ANKS1A: variants seen among roughly 807,000 people sequenced by gnomAD.
ANKS1A encodes the protein ankyrin repeat and SAM domain-containing protein 1A.
A neutral mutation model predicts 120.3 loss-of-function variants in ANKS1A; 55 were observed. The ratio of observed to expected loss-of-function variants is 0.46; its 90% CI spans 0.37 to 0.57. The LOEUF (loss-of-function observed/expected upper bound fraction) is 0.57, where lower values mean the gene tolerates loss of function less well. Among genes scored for constraint, ANKS1A ranks in the 20% least tolerant of loss-of-function variants. The pLI, the probability that ANKS1A is intolerant of heterozygous loss-of-function variation, is 0.00. For missense variants in ANKS1A, 1,123 were observed against 1,480.3 expected (o/e 0.76, Z 3.96); for synonymous variants, 590 against 604.7 (o/e 0.98, Z 0.36).
At chr6:34,979,933 G>A (rs1216897764) in intron 3 of ANKS1A, among the ~76,000 whole-genome samples, 2 of 152,208 alleles carry the variant, frequency 1.3e-5, no homozygotes, top group Non-Finnish European at 2.9e-5. Flanking sequence ...TCAGGAGAAA[G>A]TGATAATCAA....
chr6:34,931,059 A>G (rs1267037818), intron 1 of ANKS1A, among the ~76,000 whole-genome samples: 1 of 149,520 alleles, frequency 6.7e-6, no homozygotes, highest in South Asian at 2.1e-4. Context: ...TTGTGTTTTT[A>G]GTAGAGACAG....
intron 1 of ANKS1A, among the ~76,000 whole-genome samples, chr6:34,947,731 C>T (rs1377414499): frequency 3.3e-5 from 5 of 152,186 alleles, no homozygotes; most frequent in Admixed American, 1.3e-4. Flanking sequence ...GGTCAAGTCT[C>T]GTACTCCTCA....
intron 3 of ANKS1A, 72 bp downstream of exon 3, chr6:34,970,238 GC>G: frequency 6.7e-7 from 1 of 1,489,742 alleles, no homozygotes; most frequent in Non-Finnish European, 9.0e-7. Context: ...CACCATCTTA[GC>G]CCCATAGTTC....
chr6:34,889,692 C>T lies in ANKS1A; in HGVS notation c.197+93C>T. 2 of 1,180,776 alleles carry T rather than the reference C, an allele frequency of 1.7e-6. No homozygotes were observed. Among genetic ancestry groups the T allele is most frequent in the Admixed American group, 4.4e-5 (1 of 22,822 alleles). 73.1% of individuals were successfully genotyped at this position (1,180,776 alleles called of 1,614,324 possible). ...CAGAGAGATCGGGGGTCCTGAGACT[C>T]GGGCGGGGTGGGCTTGTGGCGTGCC... is the stretch of plus-strand genomic sequence containing the variant. On this transcript the variant is annotated intron_variant, in intron 1 of 23. Transcript: ENST00000360359. This position sits in a 1 kb window ranked among gnomAD's most constrained non-coding sequence, Gnocchi z 5.5.
At position 35,082,846 on chromosome 6, in the gene ANKS1A, C is replaced by T. The variant is rs1208096210; in HGVS notation, c.2835+30C>T. 2.5e-6 allele frequency: 4 copies of T among 1,597,754 alleles called. No homozygotes were observed. The highest frequency in any genetic ancestry group is 2.3e-5 in the South Asian group (2 of 87,734). On this transcript the variant is annotated intron_variant, in intron 18 of 23. Transcript: ENST00000360359. The surrounding 1 kb of genome is among the most constrained non-coding windows in gnomAD (Gnocchi z 4.1). Reference sequence around the variant, plus strand: ...GTTGCTCCCACCCTCCCAGCAGGGCCGGCCTCCCTGCTCCTTCTCGGCCAG... The same window carrying T: ...GTTGCTCCCACCCTCCCAGCAGGGCTGGCCTCCCTGCTCCTTCTCGGCCAG...
intron 11 of ANKS1A, among the ~76,000 whole-genome samples, chr6:35,020,775 G>A (rs866170933): frequency 2.4e-4 from 36 of 152,198 alleles, no homozygotes; most frequent in African/African-American, 7.0e-4. Flanking sequence ...GCATCGAGAG[G>A]AGTTTCATTT....
chr6:34,904,696 C>T (rs1474600911), intron 1 of ANKS1A, among the ~76,000 whole-genome samples: 2 of 152,234 alleles, frequency 1.3e-5, no homozygotes, highest in Non-Finnish European at 2.9e-5. Flanking sequence ...TTCGCCACTG[C>T]ACTCCACCCT....
At chr6:34,896,295 C>T (rs777285938) in intron 1 of ANKS1A, among the ~76,000 whole-genome samples, 5 of 152,050 alleles carry the variant, frequency 3.3e-5, no homozygotes, top group African/African-American at 4.8e-5. Context: ...GTCTCGAACT[C>T]CTGACTTCAA....
At chr6:34,979,757 T>C (rs1228122231) in intron 3 of ANKS1A, among the ~76,000 whole-genome samples, 1 of 152,176 alleles carries the variant, frequency 6.6e-6, no homozygotes, top group Non-Finnish European at 1.5e-5. Context: ...TTTTCTGGAT[T>C]GGAATTTTAA....
intron 3 of ANKS1A, among the ~76,000 whole-genome samples, chr6:34,971,193 T>C (rs1771166486): frequency 6.6e-6 from 1 of 152,162 alleles, no homozygotes; most frequent in African/African-American, 2.4e-5. Flanking sequence ...TCAGAGGTGA[T>C]TCAGTGGAAT....
chr6:34,978,445 A>G (rs185695180), intron 3 of ANKS1A, among the ~76,000 whole-genome samples: 1 of 152,212 alleles, frequency 6.6e-6, no homozygotes, highest in African/African-American at 2.4e-5. Context: ...CCAGATGATC[A>G]GGAGTCTGTG....
At chr6:34,981,104 C>T (rs528312141) in intron 3 of ANKS1A, among the ~76,000 whole-genome samples, 5 of 152,214 alleles carry the variant, frequency 3.3e-5, no homozygotes, top group South Asian at 4.2e-4. Context: ...TGACTGAGCC[C>T]GAGTGCCCCC....
chr6:34,974,131 T>C (rs1190914256), intron 3 of ANKS1A, among the ~76,000 whole-genome samples: 1 of 2,198 alleles, frequency 4.5e-4, no homozygotes, highest in Non-Finnish European at 7.0e-4. Context: ...TTCCCCTTCC[T>C]CTTCCCTTCC....
chr6:34,914,211 T>A (rs9368839), intron 1 of ANKS1A, among the ~76,000 whole-genome samples: 1 of 131,706 alleles, frequency 7.6e-6, no homozygotes, highest in Non-Finnish European at 1.7e-5. Context: ...GTGAGCCACC[T>A]TACCCAGCCA....
At chr6:34,931,706 T>C (rs928372737) in intron 1 of ANKS1A, among the ~76,000 whole-genome samples, 27 of 152,080 alleles carry the variant, frequency 1.8e-4, no homozygotes, top group African/African-American at 6.5e-4. Flanking sequence ...GGAAGCCCAA[T>C]TTGTGTAGCA....
chr6:34,902,010 T>C (rs1038428344), intron 1 of ANKS1A, among the ~76,000 whole-genome samples: 3 of 152,248 alleles, frequency 2.0e-5, no homozygotes, highest in African/African-American at 7.2e-5. Flanking sequence ...TACCTACAAA[T>C]GAAAATACTT....
At position 35,060,821 on chromosome 6, in the gene ANKS1A, G is replaced by T. The variant is rs556288334; in HGVS notation, c.2184+568G>T. Among the ~76,000 whole-genome samples the T allele has an allele frequency of 2.0e-5, 3 of 152,190 alleles. No individual in the cohort carries two copies. The highest frequency in any genetic ancestry group is 1.9e-4 in the East Asian group (1 of 5,198). On this transcript the variant is annotated intron_variant, in intron 13 of 23. Transcript: ENST00000360359. This position sits in a 1 kb window ranked among gnomAD's most constrained non-coding sequence, Gnocchi z 4.5. ...ACACAAAGGGCCAAAAATAAAAAGA[G>T]AAACCAGGGTGTTTCCTCTGGATCC...
chr6:34,994,282 T>C lies in ANKS1A; in HGVS notation c.1303-20T>C. 1 of 1,611,786 alleles carries C rather than the reference T, an allele frequency of 6.2e-7. No individual in the cohort carries two copies. The highest frequency in any genetic ancestry group is 1.1e-5 in the South Asian group (1 of 90,916). Reference sequence around the variant, plus strand: ...TATTAGCCACATGCACAAGATACACTGGATGTTTCTCTCCCTTAGGTTCTG... The same window carrying C: ...TATTAGCCACATGCACAAGATACACCGGATGTTTCTCTCCCTTAGGTTCTG... On this transcript the variant is annotated intron_variant, in intron 9 of 23. Coordinates refer to ENST00000360359, the MANE Select transcript of ANKS1A (RefSeq NM_015245.3).
intron 2 of ANKS1A, among the ~76,000 whole-genome samples, chr6:34,968,533 G>C (rs1180305053): frequency 6.6e-6 from 1 of 152,002 alleles, no homozygotes; most frequent in Non-Finnish European, 1.5e-5. Flanking sequence ...CACCTCCCGG[G>C]TTCAAGCAAT....
Sources: allele counts gnomAD v4.1 joint callset (sites outside exome capture counted in the v4.1 genomes callset), GRCh38; gene constraint gnomAD v4.1.1; non-coding constraint Gnocchi (gnomAD v3.1); transcripts MANE v1.5; gene names NCBI Gene and HGNC (gene_info 2026-07-23, HGNC 2026-07-21).